NBEAL1: variants seen among roughly 807,000 people sequenced by gnomAD.
The protein encoded by NBEAL1 is neurobeachin-like protein 1.
In NBEAL1, 273 loss-of-function variants were observed where a neutral mutation model predicts 351.3. That is an observed-to-expected ratio of 0.78 (90% CI 0.70 to 0.86). The LOEUF is 0.86. Among genes scored for constraint, NBEAL1 ranks in the 40% least tolerant of loss-of-function variants. NBEAL1 has a pLI of 0.00. For missense variants in NBEAL1, 2,961 were observed against 3,201.3 expected (o/e 0.92, Z 1.81); for synonymous variants, 1,050 against 1,086.4 (o/e 0.97, Z 0.66).
At chr2:203,149,316 C>T (rs1288543356) in intron 34 of NBEAL1, among the ~76,000 whole-genome samples, 168 bp downstream of exon 34, 6 of 151,914 alleles carry the variant, frequency 3.9e-5, no homozygotes, top group Non-Finnish European at 5.9e-5. Context: ...TGGGATGATT[C>T]GAGGTTGTAT....
At chr2:203,207,229 C>T (rs2065620636) in intron 51 of NBEAL1, among the ~76,000 whole-genome samples, 1 of 151,646 alleles carries the variant, frequency 6.6e-6, no homozygotes, top group Non-Finnish European at 1.5e-5. Flanking sequence ...CTGGCAGCCA[C>T]CCCATCTGGG....
chr2:203,110,285 A>C lies in NBEAL1; in HGVS notation c.2082+3A>C. On this transcript the variant is annotated splice_donor_region_variant and intron_variant, in intron 15 of 55. Coordinates refer to ENST00000683969, the MANE Select transcript of NBEAL1 (RefSeq NM_001378026.1). ...ACAGTTTCTGTGATTCCCTCTGGGT[A>C]AGGCTTTAGGGCATCACATTTAACT... 2 of 1,551,572 alleles carry C rather than the reference A, an allele frequency of 1.3e-6. No homozygotes were observed. The highest frequency in any genetic ancestry group is 1.7e-6 in the Non-Finnish European group (2 of 1,146,844).
intron 33 of NBEAL1, among the ~76,000 whole-genome samples, chr2:203,147,632 TCTTAA>T (rs1166422534): frequency 1.3e-5 from 2 of 152,126 alleles, no homozygotes; most frequent in Non-Finnish European, 2.9e-5. Flanking sequence ...ATTGTTCCTT[TCTTAA>T]CTTAAAATAT....
At chr2:203,213,690 G>A in intron 55 of NBEAL1, 37 bp downstream of exon 55, 2 of 1,611,712 alleles carry the variant, frequency 1.2e-6, no homozygotes, top group Non-Finnish European at 1.7e-6. Flanking sequence ...TTCTCATGCT[G>A]TTGGGGATTA....
intron 44 of NBEAL1, among the ~76,000 whole-genome samples, chr2:203,185,381 A>T (rs145964920): frequency 1.3e-5 from 2 of 152,326 alleles, no homozygotes; most frequent in East Asian, 3.9e-4. Context: ...GCTTAAAAGT[A>T]TAGCCATTTT....
intron 53 of NBEAL1, among the ~76,000 whole-genome samples, chr2:203,210,019 G>A (rs2105845808): frequency 6.6e-6 from 1 of 152,104 alleles, no homozygotes; most frequent in Non-Finnish European, 1.5e-5. Context: ...CCAAAGCACT[G>A]GGATTACAGA....
Position 203,224,770 on chromosome 2 carries a change from C to T in NBEAL1, c.*7416C>T, listed in dbSNP as rs1019906866. Among the ~76,000 whole-genome samples, 2 of 152,146 alleles carry T rather than the reference C, an allele frequency of 1.3e-5. No homozygotes were observed. Among genetic ancestry groups the T allele is most frequent in the African/African-American group, 2.4e-5 (1 of 41,430 alleles). ...TGCCTTATTTATATCTAATTATTGA[C>T]TGTGCAAACTGTGACTCAGTGGATA... On this transcript the variant is annotated 3_prime_UTR_variant, in exon 56 of 56. Coordinates refer to ENST00000683969, the MANE Select transcript of NBEAL1 (RefSeq NM_001378026.1).
intron 48 of NBEAL1, among the ~76,000 whole-genome samples, chr2:203,199,002 A>T (rs2065317022): frequency 6.6e-6 from 1 of 151,944 alleles, no homozygotes; most frequent in African/African-American, 2.4e-5. Context: ...AGCTTGGGCA[A>T]CATGGTGAAA....
At chr2:203,034,457 ATTTT>A (rs1241543389) in intron 2 of NBEAL1, among the ~76,000 whole-genome samples, 1 of 111,946 alleles carries the variant, frequency 8.9e-6, no homozygotes. Flanking sequence ...ACACCCGGCC[ATTTT>A]TTTTTTTTTT....
intron 27 of NBEAL1, 22 bp downstream of exon 27, chr2:203,133,168 AT>A: frequency 9.1e-7 from 1 of 1,094,244 alleles, no homozygotes; most frequent in Non-Finnish European, 1.3e-6. Flanking sequence ...CTTAAGATAT[AT>A]TTTAATGATA....
chr2:203,130,394 T>C lies in NBEAL1; in HGVS notation c.3482T>C (p.Phe1161Ser). The C allele has an allele frequency of 6.5e-7, 1 of 1,535,010 alleles. No individual in the cohort carries two copies. The highest frequency in any genetic ancestry group is 8.8e-7 in the Non-Finnish European group (1 of 1,141,000). Reference protein sequence around the residue: ...PTRGQLFLLLFEPGNADILYA... With the variant: ...PTRGQLFLLLSEPGNADILYA... ...AGAGGTCAGCTTTTCTTACTGCTTTTTGAACCAGGAAATGCTGACATACTG... is the reference window on the plus strand; with the variant it reads ...AGAGGTCAGCTTTTCTTACTGCTTTCTGAACCAGGAAATGCTGACATACTG... The change falls in exon 25 of 56, where the codon TTT (phenylalanine) becomes TCT (serine). Residue 1161 changes from phenylalanine (F) to serine (S), a missense_variant. Transcript: ENST00000683969.
At chr2:203,041,012 G>T (rs1362641277) in intron 2 of NBEAL1, 8 of 234,690 alleles carry the variant, frequency 3.4e-5, no homozygotes, top group Non-Finnish European at 5.9e-5. Flanking sequence ...TCAAAAATCG[G>T]AAAGGAAGGG....
intron 51 of NBEAL1, among the ~76,000 whole-genome samples, chr2:203,205,663 T>G (rs1290444923): frequency 6.6e-6 from 1 of 152,242 alleles, no homozygotes; most frequent in Non-Finnish European, 1.5e-5. Flanking sequence ...TGTATCTTAT[T>G]AGCTAGTACT....
chr2:203,202,696 C>G lies in NBEAL1; in HGVS notation c.7421C>G (p.Thr2474Ser). 1.9e-6 allele frequency: 3 copies of G among 1,580,642 alleles called. No individual in the cohort carries two copies. The highest frequency in any genetic ancestry group is 2.6e-6 in the Non-Finnish European group (3 of 1,150,242). ...SHIIRHMDIV[T>S]CLATDYCGIH... ...ATTCCTTTTCTTACAGATATTGTGA[C>G]TTGCTTAGCTACAGATTACTGTGGA... The change falls in exon 51 of 56, where the codon ACT becomes AGT. Residue 2474 changes from threonine to serine, a missense_variant. Thr to Ser is a moderately conservative substitution (Grantham distance 58, BLOSUM62 1). Transcript: ENST00000683969.
chr2:203,208,891 T>C (rs1466359004), intron 52 of NBEAL1, 138 bp downstream of exon 52: 7 of 654,194 alleles, frequency 1.1e-5, no homozygotes, highest in Non-Finnish European at 1.8e-5. Context: ...TTTGCAAAAG[T>C]AGAATAGACT....
Position 203,172,813 on chromosome 2 carries a change from G to A in NBEAL1, c.6283G>A (p.Gly2095Arg), listed in dbSNP as rs1210886928. 6.2e-7 allele frequency: 1 copy of A among 1,610,150 alleles called. No homozygotes were observed. Among genetic ancestry groups the A allele is most frequent in the African/African-American group, 1.3e-5 (1 of 74,716 alleles). ...AVFRDLSKPI[G>R]VVNEKNAKAM... ...ATTTCGAGATCTTTCCAAACCAATT[G>A]GGGTAGTTAATGAAAAAAACGCCAA... is the stretch of plus-strand genomic sequence containing the variant. Residue 2095 changes from glycine to arginine, a missense_variant, in exon 41 of 56, where the codon GGG becomes AGG. Physicochemically the swap from Gly to Arg is moderately radical, Grantham distance 125. Transcript: ENST00000683969.
In NBEAL1 at chr2:203,113,238, C is replaced by A; in HGVS notation, c.2426C>A (p.Ser809Tyr). Residue 809 changes from serine (S) to tyrosine (Y), a missense_variant, in exon 17 of 56, where the codon TCT becomes TAT. Ser to Tyr is a moderately radical substitution (Grantham distance 144, BLOSUM62 -2). Transcript: ENST00000683969. ...GACAGTGAATGGGGGTGTCCCACAT[C>A]TCTGGAGGGTCAGCTAGGATCTGTT... ...TQDSEWGCPT[S>Y]LEGQLGSVII... is the part of the protein sequence containing the mutation. The A allele has an allele frequency of 6.5e-7, 1 of 1,530,592 alleles. No individual in the cohort carries two copies. The highest frequency in any genetic ancestry group is 1.3e-5 in the South Asian group (1 of 79,100). The allele number at this position is 1,530,592 out of a possible 1,614,324, so 94.8% of individuals were successfully genotyped here.
intron 51 of NBEAL1, among the ~76,000 whole-genome samples, chr2:203,204,024 G>T (rs1188443123): frequency 6.6e-6 from 1 of 151,338 alleles, no homozygotes; most frequent in African/African-American, 2.4e-5. Flanking sequence ...CACCTCCTGG[G>T]TTCAAGTGAT....
chr2:203,167,391 A>T (rs1166599458), intron 38 of NBEAL1, 31 bp downstream of exon 38: 2 of 1,559,296 alleles, frequency 1.3e-6, no homozygotes. Flanking sequence ...AAATCCCAAA[A>T]TGCTAGCTTT....
Sources: allele counts gnomAD v4.1 joint callset (sites outside exome capture counted in the v4.1 genomes callset), GRCh38; gene constraint gnomAD v4.1.1; transcripts MANE v1.5; gene names NCBI Gene and HGNC (gene_info 2026-07-23, HGNC 2026-07-21).